LRRC4C: variants seen among roughly 807,000 people sequenced by gnomAD.
LRRC4C encodes leucine rich repeat containing 4C.
In LRRC4C, 5 loss-of-function variants were observed where a neutral mutation model predicts 33.6. The observed-to-expected ratio is 0.15, with a 90% confidence interval of 0.08 to 0.31. The LOEUF (loss-of-function observed/expected upper bound fraction) is 0.31. Among genes scored for constraint, LRRC4C ranks in the 10% least tolerant of loss-of-function variants. The pLI is 1.00. For missense variants in LRRC4C, 560 were observed against 796.7 expected, an observed-to-expected ratio of 0.70 and a Z score of 3.58; for synonymous variants, 329 against 302.0, an observed-to-expected ratio of 1.09 and a Z score of -0.93.
rs370574515 is a variant in LRRC4C, at chr11:41,411,142, A to ATTTTTTTTTTTTTTT, written c.-496+48274_-496+48288dup. Among the ~76,000 whole-genome samples, 164 of 57,216 alleles carry ATTTTTTTTTTTTTTT rather than the reference A, an allele frequency of 2.9e-3. 29 individuals are homozygous for ATTTTTTTTTTTTTTT. Among genetic ancestry groups the ATTTTTTTTTTTTTTT allele is most frequent in the African/African-American group, 7.8e-3 (67 of 8,604 alleles). The allele number at this position is 57,216 out of a possible 152,430, so 37.5% of individuals were successfully genotyped here. On this transcript the variant is annotated intron_variant, in intron 1 of 6. Transcript: ENST00000528697. ...ATGAGAAACACTTGGTTGGTACCCT[A>ATTTTTTTTTTTTTTT]TTTTTTTTTTTTTTTTTTTTTTTTG...
At chr11:40,755,871 C>A (rs1948922754) in intron 2 of LRRC4C, among the ~76,000 whole-genome samples, 1 of 152,068 alleles carries the variant, frequency 6.6e-6, no homozygotes, top group Non-Finnish European at 1.5e-5. Flanking sequence ...AATTGCCCCT[C>A]TCCTGCAATT....
chr11:41,162,827 A>T (rs1944533522), intron 1 of LRRC4C, among the ~76,000 whole-genome samples: 2 of 152,178 alleles, frequency 1.3e-5, no homozygotes, highest in Admixed American at 1.3e-4. Flanking sequence ...ACTACTGTAG[A>T]CTTTATGAAC....
intron 3 of LRRC4C, among the ~76,000 whole-genome samples, chr11:40,624,208 A>G (rs1962719967): frequency 6.6e-6 from 1 of 152,122 alleles, no homozygotes; most frequent in Non-Finnish European, 1.5e-5. Flanking sequence ...TCAATATCCT[A>G]TCCTGCAATC....
At chr11:40,774,796 G>A (rs1393823251) in intron 2 of LRRC4C, among the ~76,000 whole-genome samples, 1 of 152,060 alleles carries the variant, frequency 6.6e-6, no homozygotes, top group Non-Finnish European at 1.5e-5. Context: ...AATGTAAAGG[G>A]AAATGATGCA....
chr11:40,507,396 A>T (rs1955085884), intron 3 of LRRC4C, among the ~76,000 whole-genome samples: 1 of 152,118 alleles, frequency 6.6e-6, no homozygotes, highest in African/African-American at 2.4e-5. Context: ...TTAAATGGTC[A>T]ACCTTATGCT....
chr11:40,524,497 T>A (rs1458504310), intron 3 of LRRC4C, among the ~76,000 whole-genome samples: 2 of 152,184 alleles, frequency 1.3e-5, no homozygotes, highest in Non-Finnish European at 2.9e-5. Context: ...AAATAATTGT[T>A]ATTTAGTATA....
chr11:41,189,400 G>A (rs1488136650), intron 1 of LRRC4C, among the ~76,000 whole-genome samples: 2 of 152,096 alleles, frequency 1.3e-5, no homozygotes, highest in Non-Finnish European at 2.9e-5. Flanking sequence ...TGTGATCCAA[G>A]AGAAGGGCAA....
chr11:40,632,837 A>T (rs926873161), intron 3 of LRRC4C, among the ~76,000 whole-genome samples: 1 of 152,210 alleles, frequency 6.6e-6, no homozygotes, highest in Non-Finnish European at 1.5e-5. Flanking sequence ...AGCAATGAAG[A>T]TACTTTAGCA....
intron 1 of LRRC4C, among the ~76,000 whole-genome samples, chr11:40,975,665 G>A (rs115189208): frequency 2.0e-5 from 3 of 152,122 alleles, no homozygotes; most frequent in Non-Finnish European, 4.4e-5. Flanking sequence ...TGTTCACAGA[G>A]GTGAACTCAT....
chr11:41,096,490 G>A (rs1940817849), intron 1 of LRRC4C, among the ~76,000 whole-genome samples: 1 of 152,142 alleles, frequency 6.6e-6, no homozygotes, highest in Non-Finnish European at 1.5e-5. Flanking sequence ...AAAATGAACA[G>A]CATTCTGGGG....
intron 3 of LRRC4C, among the ~76,000 whole-genome samples, chr11:40,598,424 C>G (rs968329693): frequency 6.6e-5 from 10 of 152,178 alleles, no homozygotes; most frequent in African/African-American, 2.4e-4. Context: ...ACACATGTCA[C>G]AAACCCGTCT....
chr11:40,646,567 G>T (rs1942472291), intron 3 of LRRC4C, among the ~76,000 whole-genome samples: 1 of 152,152 alleles, frequency 6.6e-6, no homozygotes, highest in Non-Finnish European at 1.5e-5. Context: ...AGGAAAAAAA[G>T]ACAATTACAT....
intron 1 of LRRC4C, among the ~76,000 whole-genome samples, chr11:41,347,402 G>A (rs1156241094): frequency 2.0e-5 from 3 of 152,262 alleles, no homozygotes; most frequent in Middle Eastern, 3.4e-3. Flanking sequence ...CACACTCAGT[G>A]CACACACAGT....
chr11:40,561,731 T>C (rs970955954), intron 3 of LRRC4C, among the ~76,000 whole-genome samples: 3 of 152,086 alleles, frequency 2.0e-5, no homozygotes, highest in East Asian at 3.9e-4. Context: ...TGTTTTAAAG[T>C]AGACTCCTAA....
chr11:40,556,149 C>T (rs1957324848), intron 3 of LRRC4C, among the ~76,000 whole-genome samples: 1 of 152,114 alleles, frequency 6.6e-6, no homozygotes, highest in South Asian at 2.1e-4. Context: ...CAGAGAATTA[C>T]CAGTTAAAGG....
chr11:40,720,250 A>C (rs904384083), intron 2 of LRRC4C, among the ~76,000 whole-genome samples: 1 of 152,176 alleles, frequency 6.6e-6, no homozygotes, highest in Non-Finnish European at 1.5e-5. Flanking sequence ...TGGTTTTATA[A>C]AGATAACTCC....
chr11:40,785,944 G>A (rs1950395219), intron 2 of LRRC4C, among the ~76,000 whole-genome samples: 1 of 152,212 alleles, frequency 6.6e-6, no homozygotes, highest in Middle Eastern at 3.4e-3. Context: ...AAATCCCACT[G>A]AAAATCAGCA....
At chr11:41,334,594 A>G (rs1951393262) in intron 1 of LRRC4C, among the ~76,000 whole-genome samples, 1 of 152,138 alleles carries the variant, frequency 6.6e-6, no homozygotes, top group African/African-American at 2.4e-5. Context: ...GCACTTTGAG[A>G]GGCTGAAGTC....
intron 3 of LRRC4C, chr11:40,446,767 G>A (rs1174120167): frequency 6.6e-6 from 1 of 152,120 alleles, no homozygotes; most frequent in Admixed American, 6.6e-5. Flanking sequence ...ACCAAAGGAA[G>A]AACTTGCCAA....
Sources: gnomAD v4.1 joint callset for allele counts (sites outside exome capture counted in the v4.1 genomes callset) on GRCh38, gnomAD v4.1.1 for gene constraint, MANE v1.5 for transcripts, NCBI Gene and HGNC (gene_info 2026-07-23, HGNC 2026-07-21) for gene names.